The following CALY variants were observed in gnomAD, a reference collection of about 807,000 sequenced individuals.
CALY encodes neuron-specific vesicular protein calcyon.
A neutral mutation model predicts 20.2 loss-of-function variants in CALY; 15 were observed. The ratio of observed to expected loss-of-function variants is 0.74; its 90% CI spans 0.50 to 1.14. CALY has a LOEUF of 1.14. Ranked by LOEUF, CALY falls within the 50% of genes most tolerant of loss-of-function variation. The probability of loss-of-function intolerance (pLI) is 0.00; values close to 1 mark genes in which losing one functional copy is unlikely to be tolerated. For synonymous variants in CALY, 129 were observed against 131.8 expected, an observed-to-expected ratio of 0.98 and a Z score of 0.15; for missense variants, 270 against 304.4, an observed-to-expected ratio of 0.89 and a Z score of 0.84.
chr10:133,326,866 TG>T lies in CALY; in HGVS notation c.360+11del. 1.9e-6 allele frequency: 3 copies of T among 1,582,660 alleles called. No individual in the cohort carries two copies. The highest frequency in any genetic ancestry group is 2.6e-6 in the Non-Finnish European group (3 of 1,161,044). ...GGCTCTACACCCCCCACCAGAGCCC[TG>T]GCCCCCTTACCCGCAGCAGGAAGCC... is the stretch of plus-strand genomic sequence containing the variant. On this transcript the variant is annotated intron_variant, in intron 4 of 5. Transcript: ENST00000252939.
intron 5 of CALY, 60 bp downstream of exon 5, chr10:133,325,739 G>T: frequency 1.3e-6 from 1 of 750,740 alleles, no homozygotes; most frequent in Non-Finnish European, 1.8e-6. Flanking sequence ...CAGAAGCGGT[G>T]GCGGGAGGCC....
chr10:133,332,739 G>A (rs1050939604), intron 1 of CALY, among the ~76,000 whole-genome samples: 3 of 152,150 alleles, frequency 2.0e-5, no homozygotes, highest in Non-Finnish European at 2.9e-5. Context: ...AAATAAACTC[G>A]TCCTGAATCA....
rs768336977 is a variant in CALY at position 133,327,825 on chromosome 10, G to A, written c.246+80C>T. The stretch of plus-strand genomic sequence containing the variant: ...AAGGGGACCCCAGACTGGCCTGGAC[G>A]GAACCCAGGCACCCCCAGCTGCCTT... On this transcript the variant is annotated intron_variant, in intron 3 of 5. Transcript: ENST00000252939. 4.3e-5 allele frequency: 40 copies of A among 930,308 alleles called. No homozygotes were observed. The East Asian group carries it at 4.7e-4, about 11-fold the overall frequency. The allele number at this position is 930,308 out of a possible 1,614,324, so 57.6% of individuals were successfully genotyped here.
At chr10:133,330,086 G>A (rs981405706) in intron 1 of CALY, among the ~76,000 whole-genome samples, 1 of 152,240 alleles carries the variant, frequency 6.6e-6, no homozygotes, top group African/African-American at 2.4e-5. Context: ...GGACCTTCTA[G>A]AGAAAAGGAA....
chr10:133,331,409 A>T (rs902298753), intron 1 of CALY, among the ~76,000 whole-genome samples: 4 of 152,234 alleles, frequency 2.6e-5, no homozygotes, highest in Non-Finnish European at 5.9e-5. Flanking sequence ...AAGGATCAAA[A>T]AGTGAGTTTG....
intron 1 of CALY, among the ~76,000 whole-genome samples, 198 bp downstream of exon 1, chr10:133,336,636 G>T (rs1181644073): frequency 6.6e-6 from 1 of 152,174 alleles, no homozygotes; most frequent in African/African-American, 2.4e-5. Context: ...GAGGGCGGCC[G>T]TGCAGCGCGC....
At chr10:133,333,253 T>C (rs11101695) in intron 1 of CALY, among the ~76,000 whole-genome samples, 22,352 of 122,346 alleles carry the variant, frequency 0.18, 2,341 homozygotes, top group African/African-American at 0.27. Context: ...GTGGAATGAT[T>C]GCAAGGTGGA....
intron 4 of CALY, 69 bp from the exon 5 acceptor site, chr10:133,326,189 C>G: frequency 1.3e-6 from 2 of 1,560,546 alleles, no homozygotes; most frequent in Non-Finnish European, 1.7e-6. Flanking sequence ...CAGGCCCTCC[C>G]GCTTCTGCGG....
chr10:133,324,183 A>C lies in CALY; in HGVS notation c.*1412T>G. The C allele has an allele frequency of 2.9e-6, 1 of 340,456 alleles. No individual in the cohort carries two copies. Among genetic ancestry groups the C allele is most frequent in the Non-Finnish European group, 5.9e-6 (1 of 169,328 alleles). 21.1% of individuals were successfully genotyped at this position (340,456 alleles called of 1,614,324 possible). A position where few individuals can be genotyped will look rare whatever the true frequency, so the allele number is the denominator to read the frequency against. ...GGGCCCCCCTCCCTTGCAGGCCATC[A>C]GGGCCAATTCAGTTCTGCGTGTGCT... On this transcript the variant is annotated 3_prime_UTR_variant, in exon 6 of 6. Transcript: ENST00000252939.
In CALY at chr10:133,324,293, G is replaced by C; in HGVS notation, c.*1302C>G. ...TGCCTTCCCTGACCCCACCTGGCTG[G>C]CTTCCAGCTCACCATGGCTTCCCTG... On this transcript the variant is annotated 3_prime_UTR_variant, in exon 6 of 6. Coordinates refer to ENST00000252939, the MANE Select transcript of CALY (RefSeq NM_015722.4). 1 of 454,332 alleles carries C rather than the reference G, an allele frequency of 2.2e-6. No homozygotes were observed. Among genetic ancestry groups the C allele is most frequent in the South Asian group, 1.6e-5 (1 of 64,402 alleles). 28.1% of individuals were successfully genotyped at this position (454,332 alleles called of 1,614,324 possible). A position where few individuals can be genotyped will look rare whatever the true frequency, so the allele number is the denominator to read the frequency against.
rs117322196 is a variant in CALY, at chr10:133,327,546, A to G, written c.246+359T>C. On this transcript the variant is annotated intron_variant, in intron 3 of 5. Transcript: ENST00000252939. ...TTTAAACAAGAGGATGAGAGAAGAT[A>G]TTTGCCAGATATACTGCAGAAAGGA... 2,672 of 576,962 alleles carry G rather than the reference A, an allele frequency of 4.6e-3. 13 individuals are homozygous for G. The highest frequency in any genetic ancestry group is 7.0e-3 in the Non-Finnish European group (2,267 of 325,466). The allele number at this position is 576,962 out of a possible 1,614,324, so 35.7% of individuals were successfully genotyped here. A position where few individuals can be genotyped will look rare whatever the true frequency, so the allele number is the denominator to read the frequency against.
chr10:133,327,953 G>A lies in CALY; in HGVS notation c.198C>T (p.Asp66=), dbSNP rs747387198. Residue 66 remains aspartate (D), a synonymous_variant, in exon 3 of 6, where the codon GAC becomes GAT. Coordinates refer to ENST00000252939, the MANE Select transcript of CALY (RefSeq NM_015722.4). ...LSSPDQQNFP[D]LEGQRLNCSH... Reference sequence around the variant, plus strand: ...TGCAGTTCAGCCTCTGGCCCTCCAGGTCAGGGAAATTCTGCTGGTCTGGGG... The same window carrying A: ...TGCAGTTCAGCCTCTGGCCCTCCAGATCAGGGAAATTCTGCTGGTCTGGGG... 4 of 1,613,146 alleles carry A rather than the reference G, an allele frequency of 2.5e-6. No homozygotes were observed. The highest frequency in any genetic ancestry group is 3.3e-5 in the Admixed American group (2 of 59,928).
intron 1 of CALY, among the ~76,000 whole-genome samples, chr10:133,329,404 T>TTTTTTTTTTA (rs1848268156): frequency 6.7e-6 from 1 of 148,810 alleles, no homozygotes; most frequent in Non-Finnish European, 1.5e-5. Context: ...TTTTTTTTTT[T>TTTTTTTTTTA]GAGACAGGAT....
At chr10:133,326,781 T>C in intron 4 of CALY, 97 bp downstream of exon 4, 1 of 728,966 alleles carries the variant, frequency 1.4e-6, no homozygotes, top group East Asian at 2.7e-5. Flanking sequence ...GAGACCACGT[T>C]CCCCCAGCAG....
intron 1 of CALY, among the ~76,000 whole-genome samples, chr10:133,331,232 C>T (rs184686243): frequency 3.9e-5 from 6 of 152,284 alleles, no homozygotes; most frequent in East Asian, 3.9e-4. Context: ...GAAAGTGCCT[C>T]GATCTGCGGT....
intron 1 of CALY, among the ~76,000 whole-genome samples, chr10:133,329,392 C>CTTTTTTTTTTTTTTTTTTTTTTT (rs112012967): frequency 5.1e-5 from 7 of 137,442 alleles, no homozygotes; most frequent in Admixed American, 1.5e-4. Flanking sequence ...TCTTCTTCTT[C>CTTTTTTTTTTTTTTTTTTTTTTT]TTTTTTTTTT....
At chr10:133,329,392 C>CTTCTTCTTCTTCTTCTTTTTT (rs549430070) in intron 1 of CALY, among the ~76,000 whole-genome samples, 5 of 137,450 alleles carry the variant, frequency 3.6e-5, no homozygotes, top group Admixed American at 2.2e-4. Flanking sequence ...TCTTCTTCTT[C>CTTCTTCTTCTTCTTCTTTTTT]TTTTTTTTTT....
Position 133,328,963 on chromosome 10 carries a change from A to G in CALY, c.27T>C (p.Ser9=). 2.6e-6 allele frequency: 4 copies of G among 1,565,544 alleles called. No homozygotes were observed. The highest frequency in any genetic ancestry group is 2.7e-5 in the African/African-American group (2 of 74,058). ...CCCCAGGGTCTTTACCTGGCTTCCC[A>G]GAGAAGCTGCAGCCCAGCTTCACCA... MVKLGCSF[S]GKPGKDPGDQ... The change falls in exon 2 of 6, where the codon TCT becomes TCC. Residue 9 remains serine (S), a synonymous_variant. Coordinates refer to ENST00000252939, the MANE Select transcript of CALY (RefSeq NM_015722.4).
At chr10:133,330,660 A>AAAAAAC (rs1848291141) in intron 1 of CALY, among the ~76,000 whole-genome samples, 1 of 142,578 alleles carries the variant, frequency 7.0e-6, no homozygotes, top group East Asian at 2.0e-4. Flanking sequence ...TCCGTCTCAA[A>AAAAAAC]AAAAAAAAAA....
Sources: gnomAD v4.1 joint callset for allele counts (sites outside exome capture counted in the v4.1 genomes callset) on GRCh38, gnomAD v4.1.1 for gene constraint, MANE v1.5 for transcripts, NCBI Gene and HGNC (gene_info 2026-07-23, HGNC 2026-07-21) for gene names.